Variants in ZNF215 observed in about 807,000 individuals in gnomAD.
ZNF215 encodes the protein zinc finger protein 215.
Under a neutral mutation model 27.2 loss-of-function variants are expected in ZNF215, and 24 were observed. That is an observed-to-expected ratio of 0.88 (90% CI 0.64 to 1.24). ZNF215 has a LOEUF of 1.24. Among genes scored for constraint, ZNF215 ranks in the 50% most tolerant of loss-of-function variants. The probability of loss-of-function intolerance (pLI) is 0.00; values close to 1 mark genes in which losing one functional copy is unlikely to be tolerated. For synonymous variants in ZNF215, 210 were observed against 204.0 expected, an observed-to-expected ratio of 1.03 and a Z score of -0.25; for missense variants, 675 against 605.7, an observed-to-expected ratio of 1.11 and a Z score of -1.20.
intron 6 of ZNF215, among the ~76,000 whole-genome samples, 190 bp from the exon 7 acceptor site, chr11:6,955,496 TTTTA>T (rs1327001032): frequency 6.6e-6 from 1 of 152,212 alleles, no homozygotes; most frequent in Non-Finnish European, 1.5e-5. Context: ...AGCTCTCCTA[TTTTA>T]TTTACTAACC....
At chr11:6,987,389 G>A (rs986609916), downstream of ZNF215, among the ~76,000 whole-genome samples, 1 of 152,104 alleles carries the variant, frequency 6.6e-6, no homozygotes, top group Non-Finnish European at 1.5e-5. Flanking sequence ...GGAAAGCAGT[G>A]GGGAAGAGCT....
At chr11:6,977,028 C>CTGTCTTTG (rs779871390) in intron 5 of ZNF215, among the ~76,000 whole-genome samples, 1 of 152,014 alleles carries the variant, frequency 6.6e-6, no homozygotes, top group Non-Finnish European at 1.5e-5. Flanking sequence ...ACTTCAATCT[C>CTGTCTTTG]TGTCTTTGTG....
At chr11:6,968,369 G>A (rs573619618) in intron 5 of ZNF215, among the ~76,000 whole-genome samples, 12 of 152,164 alleles carry the variant, frequency 7.9e-5, no homozygotes, top group Non-Finnish European at 1.6e-4. Flanking sequence ...TATAAATTAC[G>A]TTGGGCGGTA....
At chr11:6,986,176 C>T (rs571149462), downstream of ZNF215, among the ~76,000 whole-genome samples, 2 of 152,212 alleles carry the variant, frequency 1.3e-5, no homozygotes, top group Admixed American at 6.5e-5. Context: ...GGTATAAAAA[C>T]AGACACATAG....
At position 6,938,610 on chromosome 11, in the gene ZNF215, A is replaced by AT. The variant is rs1849520779; in HGVS notation, c.401-2961_401-2960insT. On this transcript the variant is annotated intron_variant, in intron 3 of 6. Transcript: ENST00000278319. ...GAAGTACTGATACATGTTAAAAAAA[A>AT]AATGGATGGACCTCCAAAACATGCT... Among the ~76,000 whole-genome samples the AT allele has an allele frequency of 3.9e-5, 6 of 152,134 alleles. 1 individual carries two copies. The South Asian group carries it at 1.2e-3, about 32-fold the overall frequency.
At chr11:6,934,574 A>G (rs1849372386) in intron 3 of ZNF215, among the ~76,000 whole-genome samples, 1 of 152,114 alleles carries the variant, frequency 6.6e-6, no homozygotes, top group South Asian at 2.1e-4. Flanking sequence ...AGCTAGCAAC[A>G]ATGGGCCAAG....
At chr11:6,977,861 C>T (rs1362688422) in intron 5 of ZNF215, among the ~76,000 whole-genome samples, 2 of 152,036 alleles carry the variant, frequency 1.3e-5, no homozygotes, top group East Asian at 3.9e-4. Context: ...CCTAATCACT[C>T]ATAAAATTGA....
intron 5 of ZNF215, among the ~76,000 whole-genome samples, chr11:6,963,674 G>A (rs549361271): frequency 3.3e-5 from 5 of 151,962 alleles, no homozygotes; most frequent in Non-Finnish European, 7.4e-5. Flanking sequence ...TGTGTCCTAT[G>A]GTAGGTGTAT....
At chr11:6,955,543 TTATAAG>T (rs1228114209) in intron 6 of ZNF215, 141 bp from the exon 7 acceptor site, 2 of 764,078 alleles carry the variant, frequency 2.6e-6, no homozygotes, top group Admixed American at 6.8e-5. Context: ...TTTATTTCTT[TTATAAG>T]TATTTTTTTC....
At chr11:6,992,839 ATAC>A (rs1274685097), downstream of ZNF215, among the ~76,000 whole-genome samples, 3 of 152,194 alleles carry the variant, frequency 2.0e-5, no homozygotes, top group Non-Finnish European at 4.4e-5. Flanking sequence ...AGCTACGGTA[ATAC>A]TATTTTTAAA....
intron 6 of ZNF215, among the ~76,000 whole-genome samples, chr11:6,944,365 A>C (rs1009291526): frequency 2.7e-5 from 4 of 150,150 alleles, no homozygotes; most frequent in Non-Finnish European, 5.9e-5. Context: ...TTTATACTAG[A>C]GTGATTTCTA....
At chr11:6,931,043 G>T (rs1229195866) in intron 2 of ZNF215, among the ~76,000 whole-genome samples, 3 of 152,166 alleles carry the variant, frequency 2.0e-5, no homozygotes, top group Non-Finnish European at 4.4e-5. Flanking sequence ...ATCTCTAGCT[G>T]TAACAGTCAA....
chr11:6,982,418 C>T (rs1850974132), intron 5 of ZNF215, among the ~76,000 whole-genome samples: 1 of 152,138 alleles, frequency 6.6e-6, no homozygotes, highest in African/African-American at 2.4e-5. Flanking sequence ...TAATAGACAT[C>T]TACAGAACTC....
At chr11:6,930,591 G>A (rs1388821737) in intron 2 of ZNF215, among the ~76,000 whole-genome samples, 1 of 152,164 alleles carries the variant, frequency 6.6e-6, no homozygotes, top group Non-Finnish European at 1.5e-5. Context: ...TTATTTGAAT[G>A]TTGAATGATC....
chr11:6,962,941 G>A (rs919158368), downstream of ZNF215, among the ~76,000 whole-genome samples: 3 of 152,154 alleles, frequency 2.0e-5, no homozygotes, highest in East Asian at 5.8e-4. Context: ...CATGTTGTGT[G>A]TCATAAGTCC....
chr11:6,976,151 A>G (rs1388733536), intron 5 of ZNF215, among the ~76,000 whole-genome samples: 2 of 152,050 alleles, frequency 1.3e-5, no homozygotes, highest in East Asian at 3.9e-4. Context: ...CTTCTGATAA[A>G]TGTTTATTCA....
chr11:6,984,044 C>T (rs1012677707), intron 5 of ZNF215: 11 of 357,208 alleles, frequency 3.1e-5, no homozygotes, highest in African/African-American at 2.2e-4. Context: ...AACATACTCT[C>T]AAACGCTATC....
intron 6 of ZNF215, among the ~76,000 whole-genome samples, chr11:6,944,153 G>A (rs12421245): frequency 0.085 from 12,908 of 152,130 alleles, 729 homozygotes; most frequent in Non-Finnish European, 0.12. Context: ...GCGGGCGCCT[G>A]TAGTCCCAGC....
Position 6,967,141 on chromosome 11 carries a change from C to G in ZNF215, c.805+11359C>G, listed in dbSNP as rs200754146. On this transcript the variant is annotated intron_variant, in intron 5 of 5. Coordinates refer to the ZNF215 transcript ENST00000529903. ...CATGTCCCTGCAAAGGACATAAACT[C>G]ATCCTTTTTTATGGCTGCATAGTAT... Among the ~76,000 whole-genome samples the G allele has an allele frequency of 2.0e-5, 3 of 152,160 alleles. No individual in the cohort carries two copies. In the East Asian group the frequency reaches 5.8e-4, roughly 29 times the overall value.
Sources: gnomAD v4.1 joint callset for allele counts (sites outside exome capture counted in the v4.1 genomes callset) on GRCh38, gnomAD v4.1.1 for gene constraint, MANE v1.5 for transcripts, NCBI Gene and HGNC (gene_info 2026-07-23, HGNC 2026-07-21) for gene names.